The following STX7 variants were observed in gnomAD, a reference collection of about 807,000 sequenced individuals.
The protein encoded by STX7 is syntaxin 7.
STX7 carries 34 observed loss-of-function variants against 39.6 expected under a neutral mutation model. The ratio of observed to expected loss-of-function variants is 0.86; its 90% CI spans 0.65 to 1.14. STX7 has a LOEUF of 1.14. STX7 is among the 50% of genes most tolerant of loss of function. The pLI, the probability that STX7 is intolerant of heterozygous loss-of-function variation, is 0.00. For synonymous variants in STX7, 119 were observed against 99.1 expected, an observed-to-expected ratio of 1.20 and a Z score of -1.19; for missense variants, 284 against 310.4, an observed-to-expected ratio of 0.92 and a Z score of 0.64.
rs1445764423 is a variant in STX7, at chr6:132,510,196, TA to T, written c.-59+2810del. Among the ~76,000 whole-genome samples the T allele has an allele frequency of 1.1e-4, 16 of 152,344 alleles. No homozygotes were observed. The East Asian group carries it at 2.9e-3, about 28-fold the overall frequency. On this transcript the variant is annotated intron_variant, in intron 1 of 9. Transcript: ENST00000367941. ...AAGGTGACTACAATTAATTACAATT[TA>T]TTGCATATTTTCAAATACTTAGAAG...
chr6:132,483,868 ATCC>A (rs1775068110), intron 2 of STX7, among the ~76,000 whole-genome samples: 1 of 152,084 alleles, frequency 6.6e-6, no homozygotes, highest in African/African-American at 2.4e-5. Flanking sequence ...AAAATAAATA[ATCC>A]TCCTACTTTC....
chr6:132,461,968 T>C lies in STX7; in HGVS notation c.694-1118A>G, dbSNP rs913713589. 2.8e-5 allele frequency: 29 copies of C among 1,030,602 alleles called. No individual in the cohort carries two copies. The African/African-American group carries it at 3.1e-4, about 11-fold the overall frequency. 63.8% of individuals were successfully genotyped at this position (1,030,602 alleles called of 1,614,324 possible). A position where few individuals can be genotyped will look rare whatever the true frequency, so the allele number is the denominator to read the frequency against. On this transcript the variant is annotated intron_variant, in intron 9 of 9. Coordinates refer to ENST00000367941, the MANE Select transcript of STX7 (RefSeq NM_003569.3). Reference sequence around the variant, plus strand: ...CTGAAATTACACTGAAAACCATAAATAGTTTGAATATTCCACATATTCATC... The same window carrying C: ...CTGAAATTACACTGAAAACCATAAACAGTTTGAATATTCCACATATTCATC...
chr6:132,500,200 G>A (rs775371631), intron 2 of STX7, among the ~76,000 whole-genome samples: 58 of 151,998 alleles, frequency 3.8e-4, no homozygotes, highest in Non-Finnish European at 7.9e-4. Flanking sequence ...TCACAGTGTA[G>A]ATCTGATTAT....
intron 9 of STX7, among the ~76,000 whole-genome samples, chr6:132,462,548 C>T (rs1243143211): frequency 1.3e-5 from 2 of 150,852 alleles, no homozygotes; most frequent in South Asian, 2.1e-4. Context: ...CAGTTATATG[C>T]TAACAGCTCC....
intron 2 of STX7, among the ~76,000 whole-genome samples, chr6:132,492,767 T>C (rs1775326823): frequency 6.6e-6 from 1 of 152,208 alleles, no homozygotes; most frequent in Admixed American, 6.5e-5. Flanking sequence ...GAATAAAAGA[T>C]ACCTAATACA....
rs1311383288 is a variant in STX7, at chr6:132,469,771, G to A, written c.537+180C>T. Among the ~76,000 whole-genome samples the A allele has an allele frequency of 5.3e-5, 8 of 152,240 alleles. No homozygotes were observed. The South Asian group carries it at 1.5e-3, about 28-fold the overall frequency. ...CAAGAATCGCTTGAAGCTGGGAGGC[G>A]GAGGTTGCAGTGAGCCGAGATTCCA... On this transcript the variant is annotated intron_variant, in intron 7 of 9. Coordinates refer to ENST00000367941, the MANE Select transcript of STX7 (RefSeq NM_003569.3).
In STX7 at chr6:132,458,069, CTTA is replaced by C. The variant is rs765845280; in HGVS notation, c.*2686_*2688del. 4.6e-5 allele frequency: 7 copies of C among 152,282 alleles called. No homozygotes were observed. The highest frequency in any genetic ancestry group is 1.0e-4 in the Non-Finnish European group (7 of 68,022). 9.4% of individuals were successfully genotyped at this position (152,282 alleles called of 1,614,324 possible). On this transcript the variant is annotated 3_prime_UTR_variant, in exon 10 of 10. Coordinates refer to ENST00000367941, the MANE Select transcript of STX7 (RefSeq NM_003569.3). Reference sequence around the variant, plus strand: ...ATGGAAAGAGGGGCCTTTAAAGGCACTTATTTATCATTGTAGGTGTGTCTAAAC... The same window carrying C: ...ATGGAAAGAGGGGCCTTTAAAGGCACTTTATCATTGTAGGTGTGTCTAAAC...
Position 132,485,776 on chromosome 6 carries a change from T to C in STX7, c.86-10114A>G, listed in dbSNP as rs755189456. Among the ~76,000 whole-genome samples, 73 of 152,226 alleles carry C rather than the reference T, an allele frequency of 4.8e-4. 2 individuals are homozygous for C. Among genetic ancestry groups the C allele is most frequent in the Non-Finnish European group, 1.2e-4 (8 of 68,024 alleles). On this transcript the variant is annotated intron_variant, in intron 2 of 9. Coordinates refer to ENST00000367941, the MANE Select transcript of STX7 (RefSeq NM_003569.3). ...ACTAATGATGTTGAACATCTTTTTA[T>C]GTCCTATTTGTCATCTGTATATCTT...
chr6:132,474,227 CAAAAAAAAAA>C (rs67939950), intron 3 of STX7, among the ~76,000 whole-genome samples: 2 of 69,924 alleles, frequency 2.9e-5, no homozygotes, highest in African/African-American at 5.7e-5. Context: ...GATCCTGTCT[CAAAAAAAAAA>C]AAAAAAAAAA....
chr6:132,476,732 A>C (rs1221513175), intron 2 of STX7, among the ~76,000 whole-genome samples: 1 of 152,166 alleles, frequency 6.6e-6, no homozygotes, highest in Non-Finnish European at 1.5e-5. Context: ...TAAAATAAAA[A>C]GTCCAGGGCT....
chr6:132,472,034 T>C (rs1388499071), intron 4 of STX7, among the ~76,000 whole-genome samples: 3 of 152,176 alleles, frequency 2.0e-5, no homozygotes, highest in Admixed American at 6.5e-5. Context: ...CAGGAAGCAT[T>C]TTCTGAGAAC....
In STX7 at chr6:132,457,342, T is replaced by C. The variant is rs1774267246; in HGVS notation, c.*3416A>G. ...ATCTACTGACTTTGGAAAATCCAGC[T>C]GAAATGAGGAAAGATAATCGTGCAT... is the stretch of plus-strand genomic sequence containing the variant. On this transcript the variant is annotated 3_prime_UTR_variant, in exon 10 of 10. Transcript: ENST00000367941. 1 of 152,250 alleles carries C rather than the reference T, an allele frequency of 6.6e-6. No individual in the cohort carries two copies. The highest frequency in any genetic ancestry group is 1.5e-5 in the Non-Finnish European group (1 of 68,038). 9.4% of individuals were successfully genotyped at this position (152,250 alleles called of 1,614,324 possible). A position where few individuals can be genotyped will look rare whatever the true frequency, so the allele number is the denominator to read the frequency against.
In STX7 at chr6:132,447,185, A is replaced by T. The variant is rs541035543; in HGVS notation, c.*13573T>A. Reference sequence around the variant, plus strand: ...TTTTAAGTAAAACACCCTAAGATGGAACTTACTGTGTAGTGGAAAGAGTTA... The same window carrying T: ...TTTTAAGTAAAACACCCTAAGATGGTACTTACTGTGTAGTGGAAAGAGTTA... On this transcript the variant is annotated 3_prime_UTR_variant, in exon 10 of 10. Coordinates refer to ENST00000367941, the MANE Select transcript of STX7 (RefSeq NM_003569.3). 1 of 152,334 alleles carries T rather than the reference A, an allele frequency of 6.6e-6. No individual in the cohort carries two copies. The highest frequency in any genetic ancestry group is 2.1e-4 in the South Asian group (1 of 4,834). 9.4% of individuals were successfully genotyped at this position (152,334 alleles called of 1,614,324 possible).
chr6:132,501,117 T>C (rs1375502905), intron 2 of STX7, among the ~76,000 whole-genome samples: 3 of 151,428 alleles, frequency 2.0e-5, no homozygotes, highest in Non-Finnish European at 2.9e-5. Flanking sequence ...TGGAGTTCAA[T>C]GGCGTGATCA....
intron 2 of STX7, among the ~76,000 whole-genome samples, chr6:132,485,991 A>G (rs1363093707): frequency 1.3e-5 from 2 of 152,184 alleles, no homozygotes; most frequent in Non-Finnish European, 2.9e-5. Flanking sequence ...AGCTTTTTAA[A>G]TTTCAAATTT....
At chr6:132,486,552 A>G (rs1024167772) in intron 2 of STX7, among the ~76,000 whole-genome samples, 3 of 151,884 alleles carry the variant, frequency 2.0e-5, no homozygotes, top group Non-Finnish European at 4.4e-5. Flanking sequence ...CCTGGGATAT[A>G]CTCCACTTGT....
In STX7 at chr6:132,449,889, T is replaced by C. The variant is rs1467197874; in HGVS notation, c.*10869A>G. ...GCAAATGGTGTGTTTCCTTGCATGT[T>C]TGATTAATCTAGAAGCATTAATTAG... On this transcript the variant is annotated 3_prime_UTR_variant, in exon 10 of 10. Coordinates refer to ENST00000367941, the MANE Select transcript of STX7 (RefSeq NM_003569.3). 6.6e-6 allele frequency: 1 copy of C among 152,242 alleles called. No homozygotes were observed. The highest frequency in any genetic ancestry group is 1.9e-4 in the East Asian group (1 of 5,206). The allele number at this position is 152,242 out of a possible 1,614,324, so 9.4% of individuals were successfully genotyped here. A position where few individuals can be genotyped will look rare whatever the true frequency, so the allele number is the denominator to read the frequency against.
chr6:132,485,998 A>G (rs1775123548), intron 2 of STX7, among the ~76,000 whole-genome samples: 1 of 152,102 alleles, frequency 6.6e-6, no homozygotes, highest in East Asian at 1.9e-4. Context: ...TAAATTTCAA[A>G]TTTTTATTTT....
In STX7 at chr6:132,458,731, G is replaced by T. The variant is rs1260022215; in HGVS notation, c.*2027C>A. 1 of 151,964 alleles carries T rather than the reference G, an allele frequency of 6.6e-6. No homozygotes were observed. The allele number at this position is 151,964 out of a possible 1,614,324, so 9.4% of individuals were successfully genotyped here. A position where few individuals can be genotyped will look rare whatever the true frequency, so the allele number is the denominator to read the frequency against. On this transcript the variant is annotated 3_prime_UTR_variant, in exon 10 of 10. Transcript: ENST00000367941. ...TTTCTCTAATCAATACTACTCTTAC[G>T]TTCCAAATATTTCATGGGAAATTTT... is the stretch of plus-strand genomic sequence containing the variant.
Sources: allele counts gnomAD v4.1 joint callset (sites outside exome capture counted in the v4.1 genomes callset), GRCh38; gene constraint gnomAD v4.1.1; transcripts MANE v1.5; gene names NCBI Gene and HGNC (gene_info 2026-07-23, HGNC 2026-07-21).